C5: variants seen among roughly 807,000 people sequenced by gnomAD.
C5 encodes the protein complement C5.
In C5, 140 loss-of-function variants were observed where a neutral mutation model predicts 218.8. That is an observed-to-expected ratio of 0.64 (90% CI 0.56 to 0.74). C5 has a LOEUF of 0.74. Ranked by LOEUF, C5 falls within the 30% of genes least tolerant of loss-of-function variation. The pLI, the probability that C5 is intolerant of heterozygous loss-of-function variation, is 0.00. For synonymous variants in C5, 614 were observed against 682.3 expected (o/e 0.90, Z 1.56); for missense variants, 1,700 against 1,969.6 (o/e 0.86, Z 2.59).
chr9:121,025,534 A>G lies in C5; in HGVS notation c.920T>C (p.Val307Ala), dbSNP rs780920536. 5.0e-6 allele frequency: 8 copies of G among 1,612,686 alleles called. No homozygotes were observed. In the Admixed American group the frequency reaches 1.2e-4, roughly 24 times the overall value. Residue 307 changes from valine to alanine, a missense_variant, in exon 9 of 41, where the codon GTC becomes GCC. Physicochemically the swap from Val to Ala is moderately conservative, Grantham distance 64. Coordinates refer to ENST00000223642, the MANE Select transcript of C5 (RefSeq NM_001735.3). ...AQVTFDSETA[V>A]KELSYYSLED... Reference sequence around the variant, plus strand: ...TAAACTGTAGTATGACAGTTCTTTGACTGCTGTTTCAGAATCAAATGTGAC... The same window carrying G: ...TAAACTGTAGTATGACAGTTCTTTGGCTGCTGTTTCAGAATCAAATGTGAC...
intron 24 of C5, 73 bp from the exon 25 acceptor site, chr9:120,989,194 C>A (rs1042800620): frequency 2.5e-6 from 3 of 1,199,588 alleles, no homozygotes; most frequent in Non-Finnish European, 3.7e-6. Context: ...TTTATCAGGC[C>A]CTGAGAATGG....
chr9:121,002,407 A>C (rs2047180647), intron 20 of C5, among the ~76,000 whole-genome samples: 1 of 149,326 alleles, frequency 6.7e-6, no homozygotes, highest in Non-Finnish European at 1.5e-5. Context: ...GCCCTTGCTG[A>C]TCTCAATCCT....
chr9:120,960,373 T>C (rs745511158), intron 37 of C5, 36 bp from the exon 38 acceptor site: 2 of 1,387,614 alleles, frequency 1.4e-6, no homozygotes. Context: ...ATAAGGTTAA[T>C]GGAAAGAAGT....
intron 26 of C5, among the ~76,000 whole-genome samples, chr9:120,982,408 C>A (rs1000269864): frequency 4.6e-5 from 7 of 152,174 alleles, no homozygotes; most frequent in Non-Finnish European, 1.0e-4. Context: ...CTTTCACTTG[C>A]CCATCTACCT....
intron 4 of C5, among the ~76,000 whole-genome samples, chr9:121,037,505 G>A (rs2047537947): frequency 6.6e-6 from 1 of 151,784 alleles, no homozygotes; most frequent in Admixed American, 6.6e-5. Flanking sequence ...TAGAGATGAG[G>A]TTTCACTATG....
chr9:120,988,973 GT>G, intron 25 of C5, 72 bp downstream of exon 25: 1 of 1,102,108 alleles, frequency 9.1e-7, no homozygotes. Context: ...GAGGAATGGA[GT>G]TTCCATTATG....
rs2046753004 is a variant in C5 at position 120,952,679 on chromosome 9, AC to A, written c.*59del. 1 of 1,583,802 alleles carries A rather than the reference AC, an allele frequency of 6.3e-7. No individual in the cohort carries two copies. Among genetic ancestry groups the A allele is most frequent in the Admixed American group, 1.7e-5 (1 of 59,410 alleles). On this transcript the variant is annotated 3_prime_UTR_variant, in exon 41 of 41. Transcript: ENST00000223642. ...TTTAAAAAAAGAAGAAAACAAAAAA[AC>A]GAACTTCAACAACAGGAGTCCATAA...
chr9:120,967,372 T>C (rs1374240863), intron 33 of C5, among the ~76,000 whole-genome samples: 1 of 152,146 alleles, frequency 6.6e-6, no homozygotes, highest in East Asian at 1.9e-4. Flanking sequence ...GGCGACTTTA[T>C]CTCTTTGGGT....
chr9:121,016,640 T>G (rs891831457), intron 14 of C5, among the ~76,000 whole-genome samples: 1 of 152,236 alleles, frequency 6.6e-6, no homozygotes, highest in East Asian at 1.9e-4. Flanking sequence ...TCTTAGAAAC[T>G]GATATATAGT....
In C5 at chr9:120,965,521, AAAATAAATAAATAAAT is replaced by A. The variant is rs201361366; in HGVS notation, c.4221-1799_4221-1784del. 3.8e-3 allele frequency among the ~76,000 whole-genome samples: 557 copies of A among 147,102 alleles called. 4 individuals carry two copies. The highest frequency in any genetic ancestry group is 0.013 in the African/African-American group (528 of 39,754). On this transcript the variant is annotated intron_variant, in intron 33 of 40. Coordinates refer to ENST00000223642, the MANE Select transcript of C5 (RefSeq NM_001735.3). Reference sequence around the variant, plus strand: ...GGCAACTGAGCAAGACTCTGCCTCAAAAATAAATAAATAAATAAATAAATAAATAAATAAATAAATA... The same window carrying A: ...GGCAACTGAGCAAGACTCTGCCTCAAAAATAAATAAATAAATAAATAAATA...
At chr9:120,979,762 C>A in intron 28 of C5, 1 of 330,518 alleles carries the variant, frequency 3.0e-6, no homozygotes, top group Non-Finnish European at 5.8e-6. Flanking sequence ...GTGGTGGGCA[C>A]CTGTAGTCCC....
At chr9:121,064,407 A>G in the C5 span, among the ~76,000 whole-genome samples, 1 of 152,312 alleles carries the variant, frequency 6.6e-6, no homozygotes, top group East Asian at 1.9e-4. Flanking sequence ...GTTAACTTTC[A>G]TATTGAAACT....
At chr9:121,036,916 C>G (rs1024190580) in intron 4 of C5, among the ~76,000 whole-genome samples, 6 of 151,676 alleles carry the variant, frequency 4.0e-5, no homozygotes, top group African/African-American at 1.5e-4. Context: ...AGTGCTGCAG[C>G]CTATATTGAA....
chr9:121,015,272 TA>T lies in C5; in HGVS notation c.1997-12del. On this transcript the variant is annotated splice_polypyrimidine_tract_variant and intron_variant, in intron 15 of 40. Coordinates refer to ENST00000223642, the MANE Select transcript of C5 (RefSeq NM_001735.3). ...CTTTACAAGGTTCATCTGGTTTTTT[TA>T]AAAAAAGATAAAGAAGAAGGATTAA... 4 of 1,560,936 alleles carry T rather than the reference TA, an allele frequency of 2.6e-6. No individual in the cohort carries two copies. The highest frequency in any genetic ancestry group is 2.7e-5 in the African/African-American group (2 of 73,892).
chr9:121,071,180 C>T, the C5 span, among the ~76,000 whole-genome samples: 6 of 151,874 alleles, frequency 4.0e-5, no homozygotes, highest in Admixed American at 2.0e-4. Flanking sequence ...AATAGCTGGG[C>T]GTGGAGTCAC....
In C5 at chr9:120,952,695, G is replaced by A. The variant is rs1427358255; in HGVS notation, c.*44C>T. ...AACAAAAAAACGAACTTCAACAACA[G>A]GAGTCCATAAGTGCAAACTGTATGC... On this transcript the variant is annotated 3_prime_UTR_variant, in exon 41 of 41. Coordinates refer to ENST00000223642, the MANE Select transcript of C5 (RefSeq NM_001735.3). The A allele has an allele frequency of 1.2e-6, 2 of 1,604,618 alleles. No homozygotes were observed. Among genetic ancestry groups the A allele is most frequent in the South Asian group, 1.1e-5 (1 of 90,610 alleles).
the C5 span, among the ~76,000 whole-genome samples, chr9:121,067,015 C>T: frequency 6.6e-6 from 1 of 152,072 alleles, no homozygotes. Context: ...CCTGCAATCT[C>T]AATACTTTGG....
intron 36 of C5, among the ~76,000 whole-genome samples, chr9:120,962,252 T>C (rs1004842630): frequency 5.9e-5 from 9 of 152,186 alleles, no homozygotes; most frequent in Admixed American, 3.9e-4. Flanking sequence ...AATAATTGAA[T>C]GCAATGTGAC....
chr9:121,011,561 T>C (rs912645887), intron 17 of C5, among the ~76,000 whole-genome samples: 1 of 152,094 alleles, frequency 6.6e-6, no homozygotes, highest in Admixed American at 6.5e-5. Context: ...TGGAGAACAG[T>C]TTGGAGGTTC....
Sources: allele counts gnomAD v4.1 joint callset (sites outside exome capture counted in the v4.1 genomes callset), GRCh38; gene constraint gnomAD v4.1.1; transcripts MANE v1.5; gene names NCBI Gene and HGNC (gene_info 2026-07-23, HGNC 2026-07-21).